DNAH3: variants seen among roughly 807,000 people sequenced by gnomAD.
The protein encoded by DNAH3 is axonemal beta dynein heavy chain 3.
A neutral mutation model predicts 432.5 loss-of-function variants in DNAH3; 332 were observed. The observed-to-expected ratio is 0.77, with a 90% CI of 0.70 to 0.84. The LOEUF (loss-of-function observed/expected upper bound fraction) is 0.84. Ranked by LOEUF, DNAH3 falls within the 40% of genes least tolerant of loss-of-function variation. The pLI is 0.00. For synonymous variants in DNAH3, 1,956 were observed against 1,900.2 expected (o/e 1.03, Z -0.76); for missense variants, 4,861 against 5,114.0 (o/e 0.95, Z 1.51).
chr16:21,126,699 G>A (rs2092452074), intron 8 of DNAH3, among the ~76,000 whole-genome samples: 2 of 152,172 alleles, frequency 1.3e-5, no homozygotes, highest in South Asian at 2.1e-4. Flanking sequence ...GTGAGCAGCA[G>A]GTGGGCGAGC....
chr16:21,050,654 G>T (rs116587740), intron 29 of DNAH3, among the ~76,000 whole-genome samples: 4,232 of 152,186 alleles, frequency 0.028, 197 homozygotes, highest in African/African-American at 0.096. Flanking sequence ...TGCCCAAGCG[G>T]GTTGGTCTCA....
chr16:21,081,929 A>G (rs2091202941), intron 19 of DNAH3, among the ~76,000 whole-genome samples: 1 of 151,966 alleles, frequency 6.6e-6, no homozygotes, highest in African/African-American at 2.4e-5. Flanking sequence ...ATTTTTTGAG[A>G]CAGTCTCACT....
At chr16:20,966,984 C>T (rs1237295151) in intron 52 of DNAH3, among the ~76,000 whole-genome samples, 1 of 152,190 alleles carries the variant, frequency 6.6e-6, no homozygotes, top group Non-Finnish European at 1.5e-5. Flanking sequence ...AACAATGCTC[C>T]TTCTGTTGAC....
intron 43 of DNAH3, among the ~76,000 whole-genome samples, chr16:20,998,741 C>CAAAAAA (rs57836728): frequency 2.6e-5 from 2 of 78,248 alleles, no homozygotes; most frequent in Admixed American, 1.5e-4. Flanking sequence ...GACTCCGTCT[C>CAAAAAA]AAAAAAAAAA....
At chr16:21,097,307 C>T (rs2091710268) in intron 18 of DNAH3, 48 bp downstream of exon 18, 1 of 1,596,088 alleles carries the variant, frequency 6.3e-7, no homozygotes, top group Non-Finnish European at 8.6e-7. Context: ...CTGGGTGGAT[C>T]CTCCACCTCA....
rs529709677 is a variant in DNAH3, at chr16:20,935,404, G to A, written c.11941C>T (p.Gln3981Ter). Reference sequence around the variant, plus strand: ...ATGGTATATTTCCGGGCATAATTTTGAGAGACGCCAGTCAAAAAAGACTGT... The same window carrying A: ...ATGGTATATTTCCGGGCATAATTTTAAGAGACGCCAGTCAAAAAAGACTGT... Residue 3981 changes from glutamine to a stop codon, truncating the protein, a stop_gained, in exon 61 of 62, where the codon CAA becomes TAA. Coordinates refer to ENST00000261383, the Ensembl canonical transcript of DNAH3. LOFTEE classifies it high-confidence loss of function. The A allele has an allele frequency of 2.7e-5, 43 of 1,613,610 alleles. No homozygotes were observed. Among genetic ancestry groups the A allele is most frequent in the Admixed American group, 3.3e-5 (2 of 59,884 alleles).
intron 14 of DNAH3, 75 bp downstream of exon 14, chr16:21,111,551 G>T: frequency 7.1e-7 from 1 of 1,412,388 alleles, no homozygotes. Flanking sequence ...GCTGGAAGGT[G>T]CAAGTTCTGG....
intron 1 of DNAH3, among the ~76,000 whole-genome samples, chr16:21,152,944 G>A (rs764567376): frequency 6.6e-6 from 1 of 152,196 alleles, no homozygotes; most frequent in Admixed American, 6.5e-5. Flanking sequence ...GCTCCACGGC[G>A]CCCAGTCCCA....
intron 23 of DNAH3, 59 bp from the exon 24 acceptor site, chr16:21,067,478 C>A: frequency 6.3e-7 from 1 of 1,590,956 alleles, no homozygotes; most frequent in South Asian, 1.1e-5. Flanking sequence ...TGAGATTGGT[C>A]ATTGTATTGA....
intron 16 of DNAH3, 140 bp from the exon 17 acceptor site, chr16:21,098,909 C>T: frequency 1.2e-6 from 1 of 802,678 alleles, no homozygotes; most frequent in Non-Finnish European, 1.9e-6. Flanking sequence ...ACTCCCAACT[C>T]CATCTTTCTC....
intron 15 of DNAH3, among the ~76,000 whole-genome samples, chr16:21,104,906 C>T (rs2091912463): frequency 6.6e-6 from 1 of 152,206 alleles, no homozygotes; most frequent in South Asian, 2.1e-4. Flanking sequence ...TCTAACCTCT[C>T]TGCTTGATTG....
chr16:21,012,329 TAAAAACAAAAC>T (rs2087643200), intron 41 of DNAH3, among the ~76,000 whole-genome samples: 3 of 152,152 alleles, frequency 2.0e-5, no homozygotes, highest in African/African-American at 7.2e-5. Flanking sequence ...CACAGTCTGT[TAAAAACAAAAC>T]AGAAACAAAA....
intron 34 of DNAH3, among the ~76,000 whole-genome samples, chr16:21,037,138 G>A (rs537120271): frequency 9.1e-4 from 139 of 152,204 alleles, no homozygotes; most frequent in African/African-American, 3.1e-3. Context: ...GTGAAAACCC[G>A]TCTCTACTAA....
At chr16:21,122,049 C>T (rs1278606828) in exon 10 of DNAH3, 3 of 1,613,844 alleles carry the variant, frequency 1.9e-6, no homozygotes, top group Non-Finnish European at 2.5e-6. Context: ...GGTTCACTGA[C>T]TTCAAGTTTG....
intron 37 of DNAH3, among the ~76,000 whole-genome samples, chr16:21,028,962 T>G (rs915711651): frequency 6.6e-6 from 1 of 152,262 alleles, no homozygotes; most frequent in East Asian, 1.9e-4. Context: ...ACTGCCTGCA[T>G]CCCCAGGAAG....
chr16:21,098,533 T>C, intron 17 of DNAH3, 83 bp downstream of exon 17: 1 of 1,406,886 alleles, frequency 7.1e-7, no homozygotes, highest in Non-Finnish European at 9.6e-7. Context: ...GTAGATGCTA[T>C]TAGGAAATAG....
intron 50 of DNAH3, among the ~76,000 whole-genome samples, chr16:20,977,372 G>A (rs942054578): frequency 2.6e-5 from 4 of 152,096 alleles, no homozygotes; most frequent in Admixed American, 6.6e-5. Flanking sequence ...ATGAGACTCT[G>A]TCAAAACAAA....
At chr16:21,149,877 G>C (rs527590605) in intron 1 of DNAH3, among the ~76,000 whole-genome samples, 3 of 152,274 alleles carry the variant, frequency 2.0e-5, no homozygotes, top group East Asian at 3.9e-4. Context: ...GTTCAGTCAA[G>C]GGCATCTAAC....
chr16:21,054,556 A>G (rs763537590), intron 27 of DNAH3, 22 bp from the exon 28 acceptor site: 1 of 1,551,510 alleles, frequency 6.4e-7, no homozygotes, highest in Admixed American at 1.7e-5. Flanking sequence ...AGAGGAGGGG[A>G]CAACTGGTTA....
Sources: gnomAD v4.1 joint callset for allele counts (sites outside exome capture counted in the v4.1 genomes callset) on GRCh38, gnomAD v4.1.1 for gene constraint, MANE v1.5 for transcripts, NCBI Gene and HGNC (gene_info 2026-07-23, HGNC 2026-07-21) for gene names.